The following OSBPL8 variants were observed in gnomAD, a reference collection of about 807,000 sequenced individuals.
OSBPL8 encodes the protein oxysterol-binding protein-related protein 8.
In OSBPL8, 59 loss-of-function variants were observed where a neutral mutation model predicts 125.5. That is an observed-to-expected ratio of 0.47 (90% CI 0.38 to 0.58). The LOEUF (loss-of-function observed/expected upper bound fraction) is 0.58. OSBPL8 is among the 20% of genes least tolerant of loss of function. The probability of loss-of-function intolerance (pLI) is 0.00; values close to 1 mark genes in which losing one functional copy is unlikely to be tolerated. For missense variants in OSBPL8, 758 were observed against 1,047.8 expected (o/e 0.72, Z 3.82); for synonymous variants, 330 against 338.9 (o/e 0.97, Z 0.29).
At chr12:76,498,211 C>T (rs1879481770) in intron 1 of OSBPL8, among the ~76,000 whole-genome samples, 1 of 152,184 alleles carries the variant, frequency 6.6e-6, no homozygotes, top group African/African-American at 2.4e-5. Context: ...TCGAGACCAG[C>T]CTGGCCAACA....
At chr12:76,496,363 C>T (rs1309809373) in intron 1 of OSBPL8, among the ~76,000 whole-genome samples, 2 of 143,304 alleles carry the variant, frequency 1.4e-5, no homozygotes, top group Non-Finnish European at 3.0e-5. Flanking sequence ...TGAATAAATG[C>T]TGTGTAATTT....
intron 1 of OSBPL8, among the ~76,000 whole-genome samples, chr12:76,508,385 CTCAT>C (rs1419888152): frequency 6.6e-6 from 1 of 152,144 alleles, no homozygotes; most frequent in Non-Finnish European, 1.5e-5. Context: ...TGGCAGTGGT[CTCAT>C]TAAGATTTAC....
At chr12:76,426,121 T>C (rs1040293424) in intron 4 of OSBPL8, among the ~76,000 whole-genome samples, 7 of 152,160 alleles carry the variant, frequency 4.6e-5, no homozygotes, top group Admixed American at 4.6e-4. Context: ...AAATCTAACT[T>C]AGGAGTCTAA....
At position 76,386,736 on chromosome 12, in the gene OSBPL8, C is replaced by T. The variant is rs534042386; in HGVS notation, c.1353-76G>A. The T allele has an allele frequency of 5.9e-5, 58 of 976,080 alleles. No individual in the cohort carries two copies. The East Asian group carries it at 1.3e-3, about 22-fold the overall frequency. 60.5% of individuals were successfully genotyped at this position (976,080 alleles called of 1,614,324 possible). ...TCTCTCACATTTATTAACCAATAAC[C>T]GAGTATGAAACATGATTGGAAAACA... is the stretch of plus-strand genomic sequence containing the variant. On this transcript the variant is annotated intron_variant, in intron 12 of 23. Transcript: ENST00000261183.
chr12:76,554,601 T>C (rs1369232148), intron 1 of OSBPL8, among the ~76,000 whole-genome samples: 1 of 152,188 alleles, frequency 6.6e-6, no homozygotes, highest in Non-Finnish European at 1.5e-5. Context: ...GGATCAAATG[T>C]GATGACATGT....
At chr12:76,376,795 CTG>C (rs1181125896) in intron 16 of OSBPL8, among the ~76,000 whole-genome samples, 1 of 152,076 alleles carries the variant, frequency 6.6e-6, no homozygotes. Flanking sequence ...GATTTCTCAA[CTG>C]TGTGTTCTGG....
At position 76,423,686 on chromosome 12, in the gene OSBPL8, T is replaced by C. The variant is rs1047438889; in HGVS notation, c.218-13052A>G. On this transcript the variant is annotated intron_variant, in intron 4 of 23. Coordinates refer to ENST00000261183, the MANE Select transcript of OSBPL8 (RefSeq NM_020841.5). ...TCTCTCCCAATTATACTAAAATCCA[T>C]ATACCTTACCCTACCTTAATTCAGA... Among the ~76,000 whole-genome samples, 40 of 152,292 alleles carry C rather than the reference T, an allele frequency of 2.6e-4. 1 individual carries two copies. Among genetic ancestry groups the C allele is most frequent in the Admixed American group, 7.2e-4 (11 of 15,298 alleles).
intron 23 of OSBPL8, 130 bp from the exon 24 acceptor site, chr12:76,356,151 G>GT: frequency 7.2e-6 from 1 of 138,506 alleles, no homozygotes; most frequent in Non-Finnish European, 1.4e-5. Flanking sequence ...TCATGGGGTG[G>GT]TATGTAGGGG....
At chr12:76,461,408 G>T (rs538846197) in intron 2 of OSBPL8, among the ~76,000 whole-genome samples, 73 of 152,212 alleles carry the variant, frequency 4.8e-4, no homozygotes, top group Admixed American at 1.5e-3. Context: ...ACCACTAAGT[G>T]AACTTGGAAG....
intron 2 of OSBPL8, among the ~76,000 whole-genome samples, chr12:76,482,871 A>C (rs757112804): frequency 6.6e-6 from 1 of 152,204 alleles, no homozygotes; most frequent in Non-Finnish European, 1.5e-5. Context: ...GATTTAATCT[A>C]TACTTTTTAG....
chr12:76,528,250 CT>C (rs1291743577), intron 1 of OSBPL8, among the ~76,000 whole-genome samples: 1 of 150,122 alleles, frequency 6.7e-6, no homozygotes, highest in Non-Finnish European at 1.5e-5. Flanking sequence ...GAACTGGGAC[CT>C]GGGAGGCGGA....
At chr12:76,522,844 T>C (rs1199967300) in intron 1 of OSBPL8, among the ~76,000 whole-genome samples, 1 of 152,210 alleles carries the variant, frequency 6.6e-6, no homozygotes, top group African/African-American at 2.4e-5. Flanking sequence ...TAAAATATAG[T>C]AAATTCCTAT....
intron 19 of OSBPL8, among the ~76,000 whole-genome samples, 188 bp from the exon 20 acceptor site, chr12:76,370,010 C>T (rs564328446): frequency 6.6e-6 from 1 of 152,136 alleles, no homozygotes; most frequent in East Asian, 1.9e-4. Context: ...AGAGAGAGAC[C>T]TGTTCATAAG....
intron 1 of OSBPL8, among the ~76,000 whole-genome samples, chr12:76,506,192 G>A (rs1452934460): frequency 6.6e-6 from 1 of 152,138 alleles, no homozygotes; most frequent in Non-Finnish European, 1.5e-5. Flanking sequence ...AGAAAATGAA[G>A]GGGCCATTAG....
intron 5 of OSBPL8, among the ~76,000 whole-genome samples, chr12:76,406,088 AACTTAGT>A (rs1441623403): frequency 1.3e-5 from 2 of 152,188 alleles, no homozygotes; most frequent in Non-Finnish European, 1.5e-5. Context: ...TAAAGTGTTT[AACTTAGT>A]ACTTGGTAAT....
At chr12:76,434,052 C>T (rs1306907641) in intron 4 of OSBPL8, among the ~76,000 whole-genome samples, 1 of 149,824 alleles carries the variant, frequency 6.7e-6, no homozygotes, top group African/African-American at 2.5e-5. Flanking sequence ...AAATCTTGAT[C>T]AAGAAGAAGA....
chr12:76,535,273 TAAGAA>T (rs1345098554), intron 1 of OSBPL8, among the ~76,000 whole-genome samples: 1 of 151,358 alleles, frequency 6.6e-6, no homozygotes, highest in Non-Finnish European at 1.5e-5. Context: ...AAGAAATCAA[TAAGAA>T]AACAATTTTT....
intron 2 of OSBPL8, among the ~76,000 whole-genome samples, chr12:76,474,203 T>G (rs548560492): frequency 2.6e-5 from 4 of 152,254 alleles, no homozygotes; most frequent in Non-Finnish European, 4.4e-5. Context: ...ACATAAAAAT[T>G]TTTTAAGTAT....
At chr12:76,458,121 T>TA (rs1233503245) in intron 3 of OSBPL8, among the ~76,000 whole-genome samples, 1 of 150,888 alleles carries the variant, frequency 6.6e-6, no homozygotes, top group Non-Finnish European at 1.5e-5. Flanking sequence ...AAAATAAAAA[T>TA]AAAAAAAATT....
Sources: allele counts gnomAD v4.1 joint callset (sites outside exome capture counted in the v4.1 genomes callset), GRCh38; gene constraint gnomAD v4.1.1; transcripts MANE v1.5; gene names NCBI Gene and HGNC (gene_info 2026-07-23, HGNC 2026-07-21).